The following CPNE4 variants were observed in gnomAD, a reference collection of about 807,000 sequenced individuals.
CPNE4 encodes the protein copine 4.
CPNE4 carries 25 observed loss-of-function variants against 67.9 expected under a neutral mutation model. That is an observed-to-expected ratio of 0.37 (90% CI 0.27 to 0.51). The LOEUF (loss-of-function observed/expected upper bound fraction) is 0.51, where lower values mean the gene tolerates loss of function less well. Ranked by LOEUF, CPNE4 falls within the 20% of genes least tolerant of loss-of-function variation. CPNE4 has a pLI of 0.93. For missense variants in CPNE4, 464 were observed against 690.8 expected (o/e 0.67, Z 3.68); for synonymous variants, 242 against 244.9 (o/e 0.99, Z 0.11).
upstream of CPNE4, chr3:132,035,191 G>C (rs1221687465): frequency 3.5e-6 from 1 of 282,088 alleles, no homozygotes; most frequent in Non-Finnish European, 5.4e-6. Context: ...TGGGCTTTCT[G>C]CTCAGCTTTG....
At position 131,905,138 on chromosome 3, in the gene CPNE4, G is replaced by A. The variant is rs541323275; in HGVS notation, c.180+126C>T. On this transcript the variant is annotated intron_variant, in intron 2 of 15. Transcript: ENST00000429747. ...AACATCAAAACATCATGATAGAAATGTGATCATATTCACTTCTCAAATTTC... is the reference window on the plus strand; with the variant it reads ...AACATCAAAACATCATGATAGAAATATGATCATATTCACTTCTCAAATTTC... 25 of 820,766 alleles carry A rather than the reference G, an allele frequency of 3.0e-5. No homozygotes were observed. In the African/African-American group the frequency reaches 3.4e-4, roughly 11 times the overall value. 50.8% of individuals were successfully genotyped at this position (820,766 alleles called of 1,614,324 possible). A position where few individuals can be genotyped will look rare whatever the true frequency, so the allele number is the denominator to read the frequency against.
intron 2 of CPNE4, among the ~76,000 whole-genome samples, chr3:131,864,338 T>C (rs368674278): frequency 6.6e-6 from 1 of 152,084 alleles, no homozygotes; most frequent in African/African-American, 2.4e-5. Context: ...CTACCCATGA[T>C]CATGGAATGT....
At chr3:131,703,919 A>T (rs1193691526) in intron 3 of CPNE4, among the ~76,000 whole-genome samples, 1 of 152,226 alleles carries the variant, frequency 6.6e-6, no homozygotes, top group Non-Finnish European at 1.5e-5. Context: ...CTTAAAAGGT[A>T]AATACATATT....
intron 7 of CPNE4, among the ~76,000 whole-genome samples, chr3:131,628,594 A>G (rs2079138529): frequency 6.6e-6 from 1 of 152,250 alleles, no homozygotes; most frequent in Non-Finnish European, 1.5e-5. Flanking sequence ...TGGTCTATTC[A>G]GGGATTCAAC....
At chr3:131,565,076 G>A (rs917912973) in intron 10 of CPNE4, among the ~76,000 whole-genome samples, 4 of 151,866 alleles carry the variant, frequency 2.6e-5, no homozygotes, top group African/African-American at 7.2e-5. Flanking sequence ...GTAAGTAAAC[G>A]TTGAGTCACT....
At chr3:131,695,618 T>C (rs911371986) in intron 5 of CPNE4, among the ~76,000 whole-genome samples, 1 of 152,076 alleles carries the variant, frequency 6.6e-6, no homozygotes, top group African/African-American at 2.4e-5. Flanking sequence ...TTTGGGGAGA[T>C]GATGAAGGAG....
rs749490307 is a variant in CPNE4 at position 131,699,902 on chromosome 3, T to C, written c.432+7A>G. The C allele has an allele frequency of 9.9e-6, 16 of 1,612,584 alleles. No individual in the cohort carries two copies. The Admixed American group carries it at 1.3e-4, about 13-fold the overall frequency. On this transcript the variant is annotated splice_region_variant and intron_variant, in intron 4 of 15. Transcript: ENST00000429747. ...GGCAGACAGCTGCTTAGGGAGTGCC[T>C]GCTTACCGTGATGGAAGATTTCCCT...
intron 1 of CPNE4, among the ~76,000 whole-genome samples, chr3:131,956,350 T>C (rs1252758715): frequency 6.6e-6 from 1 of 152,192 alleles, no homozygotes; most frequent in Non-Finnish European, 1.5e-5. Flanking sequence ...ATATTTGAGA[T>C]ATGTGGGATT....
At chr3:131,733,799 T>C (rs2082178926) in intron 2 of CPNE4, among the ~76,000 whole-genome samples, 1 of 152,176 alleles carries the variant, frequency 6.6e-6, no homozygotes, top group African/African-American at 2.4e-5. Context: ...CTGTTACAGC[T>C]GTGGAGTCCT....
At chr3:131,734,816 A>C (rs1470152715) in intron 2 of CPNE4, among the ~76,000 whole-genome samples, 1 of 152,132 alleles carries the variant, frequency 6.6e-6, no homozygotes, top group East Asian at 1.9e-4. Context: ...ACCTGATCCC[A>C]GGGAGTCGAG....
intron 1 of CPNE4, among the ~76,000 whole-genome samples, chr3:131,934,803 G>A (rs2071175861): frequency 6.6e-6 from 1 of 152,184 alleles, no homozygotes; most frequent in Non-Finnish European, 1.5e-5. Flanking sequence ...AGGGGGAATG[G>A]GTGAAGTCTG....
chr3:131,608,441 A>G (rs928891447), intron 7 of CPNE4, among the ~76,000 whole-genome samples: 1 of 152,132 alleles, frequency 6.6e-6, no homozygotes, highest in East Asian at 1.9e-4. Flanking sequence ...GATGAATGCA[A>G]TGAAGCCTGA....
At position 131,787,921 on chromosome 3, in the gene CPNE4, G is replaced by GA. The variant is rs147493549; in HGVS notation, c.181-64297dup. 3.0e-3 allele frequency among the ~76,000 whole-genome samples: 461 copies of GA among 152,092 alleles called. 3 individuals carry two copies. The highest frequency in any genetic ancestry group is 4.8e-3 in the Admixed American group (74 of 15,258). On this transcript the variant is annotated intron_variant, in intron 2 of 15. Transcript: ENST00000429747. Reference sequence around the variant, plus strand: ...GGAGAGAATTGTCTAAGAACCACAGGAAAAAGGACTGTCCAATATATCATT... The same window carrying GA: ...GGAGAGAATTGTCTAAGAACCACAGGAAAAAAGGACTGTCCAATATATCATT...
chr3:131,618,825 C>G (rs1182360316), intron 7 of CPNE4, among the ~76,000 whole-genome samples: 4 of 152,118 alleles, frequency 2.6e-5, no homozygotes, highest in Non-Finnish European at 5.9e-5. Flanking sequence ...TGGCCCATGA[C>G]TACCGGCTGA....
intron 1 of CPNE4, among the ~76,000 whole-genome samples, chr3:131,953,602 A>C (rs989275211): frequency 1.3e-4 from 20 of 152,330 alleles, no homozygotes; most frequent in African/African-American, 4.1e-4. Context: ...TCTTTTGCAG[A>C]AACATGGATA....
At chr3:131,582,267 A>G (rs191242736) in intron 8 of CPNE4, among the ~76,000 whole-genome samples, 168 of 152,352 alleles carry the variant, frequency 1.1e-3, no homozygotes, top group African/African-American at 3.9e-3. Context: ...GTGACACAGT[A>G]GATCTCCAAA....
intron 7 of CPNE4, among the ~76,000 whole-genome samples, chr3:131,595,932 T>C (rs1257974940): frequency 6.6e-6 from 1 of 152,164 alleles, no homozygotes; most frequent in Admixed American, 6.5e-5. Context: ...GCATGTACAA[T>C]AGTCAAACTG....
intron 7 of CPNE4, among the ~76,000 whole-genome samples, chr3:131,598,484 G>A (rs1434942103): frequency 9.9e-5 from 15 of 152,262 alleles, no homozygotes; most frequent in Admixed American, 9.1e-4. Flanking sequence ...ACAATTAAAA[G>A]TCACTTGTTT....
At chr3:131,601,298 TA>T (rs1026599079) in intron 7 of CPNE4, among the ~76,000 whole-genome samples, 52 of 152,250 alleles carry the variant, frequency 3.4e-4, no homozygotes, top group African/African-American at 1.2e-3. Context: ...CACGTTTTTT[TA>T]TCAACTACAA....
Sources: allele counts gnomAD v4.1 joint callset (sites outside exome capture counted in the v4.1 genomes callset), GRCh38; gene constraint gnomAD v4.1.1; transcripts MANE v1.5; gene names NCBI Gene and HGNC (gene_info 2026-07-23, HGNC 2026-07-21).